Variants in SLC1A3 observed in about 807,000 individuals in gnomAD.
The protein encoded by SLC1A3 is excitatory amino acid transporter 1.
SLC1A3 carries 21 observed loss-of-function variants against 48.1 expected under a neutral mutation model. That is an observed-to-expected ratio of 0.44 (90% CI 0.31 to 0.63). The LOEUF is 0.63. Among genes scored for constraint, SLC1A3 ranks in the 20% least tolerant of loss-of-function variants. The pLI is 0.08. For missense variants in SLC1A3, 546 were observed against 689.0 expected (o/e 0.79, Z 2.32); for synonymous variants, 239 against 251.4 (o/e 0.95, Z 0.47).
intron 1 of SLC1A3, among the ~76,000 whole-genome samples, chr5:36,598,598 T>G (rs939132624): frequency 3.9e-5 from 6 of 152,194 alleles, no homozygotes; most frequent in Admixed American, 2.6e-4. Context: ...ATATTTAGAA[T>G]TTTCTACTAG....
chr5:36,614,037 C>A (rs1739325008), intron 2 of SLC1A3, among the ~76,000 whole-genome samples: 1 of 152,176 alleles, frequency 6.6e-6, no homozygotes, highest in Non-Finnish European at 1.5e-5. Flanking sequence ...TAGTGGAGAT[C>A]AGAGCTATGT....
rs144987639 is a variant in SLC1A3, at chr5:36,624,351, C to T, written c.182-5099C>T. 3.1e-3 allele frequency among the ~76,000 whole-genome samples: 473 copies of T among 152,304 alleles called. 5 individuals are homozygous for T. Among genetic ancestry groups the T allele is most frequent in the African/African-American group, 0.011 (467 of 41,564 alleles). ...CATGGCTGTTGAGAGGCTGCGAGGA[C>T]AGTAGAGTGGGTGAGTCTGGACCCT... is the stretch of plus-strand genomic sequence containing the variant. On this transcript the variant is annotated intron_variant, in intron 2 of 9. Transcript: ENST00000265113.
At chr5:36,604,911 G>C (rs889088949), upstream of SLC1A3, among the ~76,000 whole-genome samples, 2 of 149,054 alleles carry the variant, frequency 1.3e-5, no homozygotes, top group South Asian at 2.1e-4. Context: ...AGCGGTGGGG[G>C]GGGGGGGTGT....
At chr5:36,667,177 C>T (rs1741784847) in intron 3 of SLC1A3, among the ~76,000 whole-genome samples, 1 of 152,206 alleles carries the variant, frequency 6.6e-6, no homozygotes, top group Non-Finnish European at 1.5e-5. Context: ...GCTCTCCACC[C>T]TCCATTAAAC....
chr5:36,686,502 A>G lies in SLC1A3; in HGVS notation c.*233A>G. On this transcript the variant is annotated 3_prime_UTR_variant, in exon 10 of 10. Transcript: ENST00000265113. ...AATCATTTCATGTTAGTCTTACCGA[A>G]TAAGGTACCAAGATCACAAATAGTG... is the stretch of plus-strand genomic sequence containing the variant. 1.8e-6 allele frequency: 1 copy of G among 544,956 alleles called. No homozygotes were observed. The allele number at this position is 544,956 out of a possible 1,614,324, so 33.8% of individuals were successfully genotyped here. A position where few individuals can be genotyped will look rare whatever the true frequency, so the allele number is the denominator to read the frequency against.
chr5:36,629,428 T>TA (rs1491123629), intron 2 of SLC1A3, 22 bp from the exon 3 acceptor site: 2 of 231,992 alleles, frequency 8.6e-6, no homozygotes, highest in African/African-American at 7.7e-5. Flanking sequence ...TTTCTTTTTC[T>TA]TTTTTTTTTT....
At chr5:36,637,093 G>A (rs1740422949) in intron 3 of SLC1A3, among the ~76,000 whole-genome samples, 1 of 152,144 alleles carries the variant, frequency 6.6e-6, no homozygotes, top group Admixed American at 6.5e-5. Context: ...TTCTGTGCCT[G>A]TTCTCCAGGA....
chr5:36,665,053 T>C (rs912339834), intron 3 of SLC1A3, among the ~76,000 whole-genome samples: 1 of 152,188 alleles, frequency 6.6e-6, no homozygotes, highest in Non-Finnish European at 1.5e-5. Context: ...ATTGACACTC[T>C]TTCCCCACAA....
In SLC1A3 at chr5:36,671,013, T is replaced by C. The variant is rs1170929935; in HGVS notation, c.320-16T>C. On this transcript the variant is annotated splice_polypyrimidine_tract_variant and intron_variant, in intron 3 of 9. Transcript: ENST00000265113. ...CTGGACTGACTTCCTGAAAATCTTC[T>C]GTTTGCCTCCACCAGGAATGGCGGC... 4.3e-6 allele frequency: 7 copies of C among 1,612,206 alleles called. No homozygotes were observed. The highest frequency in any genetic ancestry group is 3.3e-5 in the South Asian group (3 of 91,044).
At chr5:36,628,122 A>G (rs1157556468) in intron 2 of SLC1A3, among the ~76,000 whole-genome samples, 1 of 152,180 alleles carries the variant, frequency 6.6e-6, no homozygotes, top group Non-Finnish European at 1.5e-5. Context: ...TTACTGTTAC[A>G]TTGGAAAAAA....
rs149340545 is a variant in SLC1A3, at chr5:36,614,907, A to G, written c.181+6303A>G. On this transcript the variant is annotated intron_variant, in intron 2 of 9. Coordinates refer to ENST00000265113, the MANE Select transcript of SLC1A3 (RefSeq NM_004172.5). ...TGTTCTAAGTGTATCTCTGGATTCT[A>G]TTTTGCTCTTTTTCTTCTTGTCATT... 1.3e-4 allele frequency among the ~76,000 whole-genome samples: 20 copies of G among 152,230 alleles called. No individual in the cohort carries two copies. In the East Asian group the frequency reaches 1.9e-3, roughly 15 times the overall value.
At chr5:36,657,735 G>T (rs1200674507) in intron 3 of SLC1A3, among the ~76,000 whole-genome samples, 2 of 152,168 alleles carry the variant, frequency 1.3e-5, no homozygotes, top group African/African-American at 4.8e-5. Flanking sequence ...AGGCAATTGC[G>T]CAATTACAGG....
At chr5:36,647,928 A>G (rs959095955) in intron 3 of SLC1A3, among the ~76,000 whole-genome samples, 4 of 152,196 alleles carry the variant, frequency 2.6e-5, no homozygotes, top group African/African-American at 9.6e-5. Flanking sequence ...TTTTTAATTT[A>G]TTCCAATATT....
At chr5:36,644,011 CAAAA>C (rs33984004) in intron 3 of SLC1A3, among the ~76,000 whole-genome samples, 42,894 of 139,088 alleles carry the variant, frequency 0.31, 7,086 homozygotes, top group South Asian at 0.39. Context: ...GACTCCGTCT[CAAAA>C]AATAAATAAA....
intron 2 of SLC1A3, 110 bp downstream of exon 2, chr5:36,608,714 C>T: frequency 6.5e-7 from 1 of 1,531,152 alleles, no homozygotes; most frequent in Non-Finnish European, 8.7e-7. Context: ...AAATGGTAGC[C>T]TAGGCTTTCC....
chr5:36,624,736 C>T (rs1331224795), intron 2 of SLC1A3, among the ~76,000 whole-genome samples: 1 of 152,130 alleles, frequency 6.6e-6, no homozygotes, highest in African/African-American at 2.4e-5. Context: ...AAAATGTGTG[C>T]AGTGGAGGGA....
upstream of SLC1A3, among the ~76,000 whole-genome samples, chr5:36,604,907 G>GGC (rs1491305192): frequency 5.2e-3 from 23 of 4,396 alleles, no homozygotes; most frequent in African/African-American, 0.045. Context: ...AAAAAGCGGT[G>GGC]GGGGGGGGGG....
Position 36,687,339 on chromosome 5 carries a change from A to C in SLC1A3, c.*1070A>C, listed in dbSNP as rs1366823760. 2.0e-5 allele frequency: 3 copies of C among 152,258 alleles called. No individual in the cohort carries two copies. The highest frequency in any genetic ancestry group is 4.4e-5 in the Non-Finnish European group (3 of 68,038). The allele number at this position is 152,258 out of a possible 1,614,324, so 9.4% of individuals were successfully genotyped here. On this transcript the variant is annotated 3_prime_UTR_variant, in exon 10 of 10. Transcript: ENST00000265113. ...AGCTAGGAAAGAGTTGAGCACAGGC[A>C]ACATTACAAACAAAGGATTTGAAAA...
At chr5:36,675,863 G>A (rs1742184614) in intron 5 of SLC1A3, among the ~76,000 whole-genome samples, 1 of 152,144 alleles carries the variant, frequency 6.6e-6, no homozygotes, top group Non-Finnish European at 1.5e-5. Context: ...GTAAAGAAAT[G>A]ACCAAGCACT....
Sources: allele counts gnomAD v4.1 joint callset (sites outside exome capture counted in the v4.1 genomes callset), GRCh38; gene constraint gnomAD v4.1.1; transcripts MANE v1.5; gene names NCBI Gene and HGNC (gene_info 2026-07-23, HGNC 2026-07-21).